The following ALDH3B2 variants were observed in gnomAD, a reference collection of about 807,000 sequenced individuals.
The protein encoded by ALDH3B2 is aldehyde dehydrogenase 3 family member B2.
Under a neutral mutation model 36.7 loss-of-function variants are expected in ALDH3B2, and 45 were observed. The ratio of observed to expected loss-of-function variants is 1.23; its 90% CI spans 0.97 to 1.57. The LOEUF (loss-of-function observed/expected upper bound fraction) is 1.57. ALDH3B2 is among the 40% of genes most tolerant of loss of function. The pLI, the probability that ALDH3B2 is intolerant of heterozygous loss-of-function variation, is 0.00. For missense variants in ALDH3B2, 464 were observed against 513.3 expected (o/e 0.90, Z 0.93); for synonymous variants, 217 against 226.5 (o/e 0.96, Z 0.38).
intron 1 of ALDH3B2, among the ~76,000 whole-genome samples, chr11:67,674,008 A>T (rs2279125): frequency 0.2 from 29,808 of 152,214 alleles, 3,113 homozygotes; most frequent in African/African-American, 0.26. Context: ...TTTCGCTTCA[A>T]CTGCCAAGAA....
exon 10 of ALDH3B2, chr11:67,663,114 G>T: frequency 7.3e-7 from 1 of 1,375,616 alleles, no homozygotes; most frequent in Non-Finnish European, 9.9e-7. Flanking sequence ...CTGAGGCTGG[G>T]GGAACCTGCG....
chr11:67,666,147 G>A, exon 6 of ALDH3B2: 3 of 1,614,008 alleles, frequency 1.9e-6, no homozygotes, highest in Non-Finnish European at 2.5e-6. Context: ...AGTCCAACTT[G>A]TGCTCTAGCA....
chr11:67,672,085 A>ATG lies in ALDH3B2; in HGVS notation c.-245+2351_-245+2352insCA, dbSNP rs1555037198. 3.2e-3 allele frequency among the ~76,000 whole-genome samples: 168 copies of ATG among 52,682 alleles called. 1 individual carries two copies. The highest frequency in any genetic ancestry group is 3.8e-3 in the Non-Finnish European group (103 of 27,336). 34.6% of individuals were successfully genotyped at this position (52,682 alleles called of 152,430 possible). A position where few individuals can be genotyped will look rare whatever the true frequency, so the allele number is the denominator to read the frequency against. The stretch of plus-strand genomic sequence containing the variant: ...TATATATATATATATATATATATAT[A>ATG]TATGTATGTATGTATTTTGTGTGTG... On this transcript the variant is annotated intron_variant, in intron 1 of 9. Coordinates refer to ENST00000349015, the Ensembl canonical transcript of ALDH3B2.
In ALDH3B2 at chr11:67,665,195, G is replaced by A. The variant is rs552176367; in HGVS notation, c.706+90C>T. 2.3e-5 allele frequency: 35 copies of A among 1,514,376 alleles called. No homozygotes were observed. The African/African-American group carries it at 4.9e-4, about 21-fold the overall frequency. The allele number at this position is 1,514,376 out of a possible 1,614,324, so 93.8% of individuals were successfully genotyped here. A position where few individuals can be genotyped will look rare whatever the true frequency, so the allele number is the denominator to read the frequency against. ...CTCTGATAGTGGGGCCGGGTTTCAG[G>A]TGCGAGTCCAGACTCGTGGCCCAGC... On this transcript the variant is annotated intron_variant, in intron 7 of 9. Coordinates refer to ENST00000349015, the Ensembl canonical transcript of ALDH3B2.
At chr11:67,669,841 T>C (rs1211384352) in intron 1 of ALDH3B2, among the ~76,000 whole-genome samples, 1 of 128,346 alleles carries the variant, frequency 7.8e-6, no homozygotes, top group African/African-American at 3.0e-5. Flanking sequence ...TCTGTGTGTG[T>C]ATGGGTGTGT....
intron 1 of ALDH3B2, among the ~76,000 whole-genome samples, chr11:67,672,905 CTTTCTTTCTTTTCT>C (rs1565250457): frequency 6.8e-6 from 1 of 148,100 alleles, no homozygotes; most frequent in African/African-American, 2.5e-5. Flanking sequence ...AATGAACTTT[CTTTCTTTCTTTTCT>C]TTTCTTTTCT....
In ALDH3B2 at chr11:67,664,389, C is replaced by G. The variant is rs746468307; in HGVS notation, c.873+7G>C. The stretch of plus-strand genomic sequence containing the variant: ...CTCCATTGCCCCCAACCCGGCCGCA[C>G]CCCCACCTGGCTGCTGTTGGAGAAG... On this transcript the variant is annotated splice_region_variant and intron_variant, in intron 8 of 9. Coordinates refer to ENST00000349015, the Ensembl canonical transcript of ALDH3B2. 6.2e-7 allele frequency: 1 copy of G among 1,613,922 alleles called. No individual in the cohort carries two copies. The highest frequency in any genetic ancestry group is 1.1e-5 in the South Asian group (1 of 91,078).
At chr11:67,679,003 A>G (rs566305737), upstream of ALDH3B2, among the ~76,000 whole-genome samples, 1 of 152,184 alleles carries the variant, frequency 6.6e-6, no homozygotes, top group South Asian at 2.1e-4. Flanking sequence ...GAATGATACA[A>G]TGGACTTTGG....
chr11:67,666,069 C>T, intron 6 of ALDH3B2, 53 bp downstream of exon 6: 3 of 1,581,356 alleles, frequency 1.9e-6, no homozygotes, highest in Admixed American at 1.7e-5. Context: ...CTCCCACCCT[C>T]TCTCCTGATG....
At chr11:67,672,202 C>A (rs1291910162) in intron 1 of ALDH3B2, among the ~76,000 whole-genome samples, 1 of 143,400 alleles carries the variant, frequency 7.0e-6, no homozygotes, top group Non-Finnish European at 1.5e-5. Flanking sequence ...GGCCAGAGTG[C>A]AGTGGTGGGA....
intron 1 of ALDH3B2, among the ~76,000 whole-genome samples, chr11:67,680,198 C>T (rs1160716446): frequency 1.3e-5 from 2 of 152,148 alleles, no homozygotes; most frequent in East Asian, 1.9e-4. Context: ...CCTGTAATCC[C>T]AGCTACTCAG....
chr11:67,665,775 G>T, intron 6 of ALDH3B2, 104 bp from the exon 7 acceptor site: 1 of 1,480,856 alleles, frequency 6.8e-7, no homozygotes, highest in Non-Finnish European at 9.0e-7. Context: ...GAGTCGGCGG[G>T]CTTCCTAGGG....
upstream of ALDH3B2, among the ~76,000 whole-genome samples, chr11:67,676,108 G>A (rs183735657): frequency 5.9e-5 from 9 of 152,202 alleles, no homozygotes; most frequent in East Asian, 1.9e-4. Flanking sequence ...TTAGCCAGGC[G>A]TGGTGGCATG....
At chr11:67,680,292 T>A (rs1477954626) in intron 1 of ALDH3B2, among the ~76,000 whole-genome samples, 1 of 152,218 alleles carries the variant, frequency 6.6e-6, no homozygotes, top group Non-Finnish European at 1.5e-5. Flanking sequence ...CCAGCCTGGG[T>A]GACAGAGTGA....
intron 5 of ALDH3B2, 44 bp from the exon 6 acceptor site, chr11:67,666,247 C>A: frequency 6.2e-7 from 1 of 1,613,066 alleles, no homozygotes; most frequent in Non-Finnish European, 8.5e-7. Context: ...CGGGGCCAGC[C>A]GGGCCTCCTC....
upstream of ALDH3B2, among the ~76,000 whole-genome samples, chr11:67,676,271 G>A (rs2447598): frequency 0.84 from 127,440 of 152,020 alleles, 54,363 homozygotes; most frequent in South Asian, 0.93. Context: ...TTAGACCACG[G>A]TGGAATAAAA....
exon 2 of ALDH3B2, chr11:67,667,605 C>G: frequency 2.8e-6 from 1 of 359,308 alleles, no homozygotes. Context: ...CCTCACGCAG[C>G]CGCCGCAGCG....
intron 1 of ALDH3B2, among the ~76,000 whole-genome samples, chr11:67,669,278 G>T (rs531344423): frequency 5.3e-5 from 8 of 150,492 alleles, no homozygotes; most frequent in Non-Finnish European, 1.2e-4. Context: ...GTGTGTATGG[G>T]TGTTTGTGTA....
chr11:67,667,292 C>CT (rs4646822), intron 2 of ALDH3B2, among the ~76,000 whole-genome samples, 181 bp downstream of exon 2: 126,438 of 152,102 alleles, frequency 0.83, 53,791 homozygotes, highest in South Asian at 0.95. Flanking sequence ...CACAGGGTGG[C>CT]TGTGAGTGTT....
Sources: gnomAD v4.1 joint callset for allele counts (sites outside exome capture counted in the v4.1 genomes callset) on GRCh38, gnomAD v4.1.1 for gene constraint, MANE v1.5 for transcripts, NCBI Gene and HGNC (gene_info 2026-07-23, HGNC 2026-07-21) for gene names.